Variants in SEMA6D observed in about 807,000 individuals in gnomAD.
SEMA6D encodes the protein semaphorin-6D.
A neutral mutation model predicts 106.6 loss-of-function variants in SEMA6D; 35 were observed. That is an observed-to-expected ratio of 0.33 (90% CI 0.25 to 0.44). The LOEUF (loss-of-function observed/expected upper bound fraction) is 0.44. Among genes scored for constraint, SEMA6D ranks in the 20% least tolerant of loss-of-function variants. The probability of loss-of-function intolerance (pLI) is 1.00; values close to 1 mark genes in which losing one functional copy is unlikely to be tolerated. For missense variants in SEMA6D, 1,185 were observed against 1,345.9 expected, an observed-to-expected ratio of 0.88 and a Z score of 1.87; for synonymous variants, 499 against 487.7, an observed-to-expected ratio of 1.02 and a Z score of -0.31.
At chr15:47,757,013 G>A (rs1275475074) in intron 1 of SEMA6D, among the ~76,000 whole-genome samples, 2 of 151,068 alleles carry the variant, frequency 1.3e-5, no homozygotes, top group Non-Finnish European at 2.9e-5. Flanking sequence ...GGGAGAAATT[G>A]CTTTCTGCAG....
chr15:47,357,909 T>C (rs3371), intron 1 of SEMA6D, among the ~76,000 whole-genome samples: 96,716 of 152,168 alleles, frequency 0.64, 31,802 homozygotes, highest in Non-Finnish European at 0.72. Flanking sequence ...CCAGCCAACA[T>C]GGAGGTGATT....
rs369441579 is a variant in SEMA6D, at chr15:47,225,186, C to A, written c.-239+40768C>A. 4.8e-4 allele frequency among the ~76,000 whole-genome samples: 73 copies of A among 152,082 alleles called. 1 individual carries two copies. Among genetic ancestry groups the A allele is most frequent in the African/African-American group, 1.6e-3 (65 of 41,544 alleles). ...ATATACACCCTGCCCCCTCCATGTGCTTCTTAGCAGATGGTAAGAGTATGT... is the reference window on the plus strand; with the variant it reads ...ATATACACCCTGCCCCCTCCATGTGATTCTTAGCAGATGGTAAGAGTATGT... On this transcript the variant is annotated intron_variant, in intron 1 of 19. Transcript: ENST00000558014.
intron 2 of SEMA6D, among the ~76,000 whole-genome samples, chr15:47,436,523 A>C (rs2041707423): frequency 6.6e-6 from 1 of 150,924 alleles, no homozygotes; most frequent in South Asian, 2.1e-4. Context: ...TAAATTACTA[A>C]TATATGTATA....
chr15:47,658,516 C>T (rs910858221), intron 4 of SEMA6D, among the ~76,000 whole-genome samples: 5 of 151,908 alleles, frequency 3.3e-5, no homozygotes, highest in Non-Finnish European at 5.9e-5. Flanking sequence ...ATATAAGACC[C>T]CTGAATTTAA....
At chr15:47,487,376 C>T (rs141263751) in intron 3 of SEMA6D, among the ~76,000 whole-genome samples, 10 of 152,260 alleles carry the variant, frequency 6.6e-5, no homozygotes, top group Non-Finnish European at 1.0e-4. Context: ...CATAAAAATT[C>T]GTGTCTTTCC....
At chr15:47,650,074 C>T (rs2077657428) in intron 4 of SEMA6D, among the ~76,000 whole-genome samples, 1 of 152,156 alleles carries the variant, frequency 6.6e-6, no homozygotes, top group Non-Finnish European at 1.5e-5. Context: ...CCTGGATGTG[C>T]CAGTGATGTG....
At chr15:47,727,868 C>CCCTT (rs2079861569) in intron 1 of SEMA6D, among the ~76,000 whole-genome samples, 8 of 152,244 alleles carry the variant, frequency 5.3e-5, no homozygotes, top group African/African-American at 1.9e-4. Flanking sequence ...TTGCCTGCTG[C>CCCTT]GGTCAGGATG....
intron 2 of SEMA6D, among the ~76,000 whole-genome samples, chr15:47,424,760 T>G (rs2041278123): frequency 6.6e-6 from 1 of 152,126 alleles, no homozygotes; most frequent in African/African-American, 2.4e-5. Context: ...AAGGTTCAAG[T>G]CTTCTGAGAT....
At chr15:47,381,554 CTGTAACA>C (rs1360391529) in intron 1 of SEMA6D, among the ~76,000 whole-genome samples, 2 of 152,166 alleles carry the variant, frequency 1.3e-5, no homozygotes, top group Admixed American at 1.3e-4. Flanking sequence ...GAGGGTCCTT[CTGTAACA>C]GGAGTGACTT....
chr15:47,258,635 C>T (rs1030120926), intron 1 of SEMA6D, among the ~76,000 whole-genome samples: 8 of 152,078 alleles, frequency 5.3e-5, no homozygotes, highest in South Asian at 2.1e-4. Flanking sequence ...CCCCGTCTGA[C>T]CCCCTCTCCA....
intron 3 of SEMA6D, among the ~76,000 whole-genome samples, chr15:47,569,610 A>G (rs2046324356): frequency 6.6e-6 from 1 of 152,078 alleles, no homozygotes; most frequent in Admixed American, 6.5e-5. Context: ...ACACATTCCC[A>G]TTCTAGTGTT....
intron 3 of SEMA6D, among the ~76,000 whole-genome samples, chr15:47,593,139 T>G (rs984387563): frequency 6.6e-6 from 1 of 152,156 alleles, no homozygotes; most frequent in African/African-American, 2.4e-5. Context: ...GCGCAGTGGC[T>G]CACACCTATA....
At chr15:47,747,490 C>A (rs937291683) in intron 1 of SEMA6D, among the ~76,000 whole-genome samples, 4 of 152,136 alleles carry the variant, frequency 2.6e-5, no homozygotes, top group Admixed American at 2.6e-4. Context: ...AAAGTGAAAA[C>A]CTTGCATAAG....
At chr15:47,288,578 A>G (rs1207981238) in intron 1 of SEMA6D, among the ~76,000 whole-genome samples, 1 of 152,172 alleles carries the variant, frequency 6.6e-6, no homozygotes, top group Non-Finnish European at 1.5e-5. Context: ...GAATTTCTAT[A>G]ATGGCCTTTT....
intron 2 of SEMA6D, among the ~76,000 whole-genome samples, chr15:47,426,126 A>G (rs965610325): frequency 5.3e-5 from 8 of 152,126 alleles, no homozygotes; most frequent in Admixed American, 2.0e-4. Context: ...CTACAAAAAT[A>G]TACACATGGA....
intron 1 of SEMA6D, among the ~76,000 whole-genome samples, chr15:47,254,331 G>GTGTATA (rs33925888): frequency 3.6e-5 from 5 of 139,262 alleles, no homozygotes; most frequent in Admixed American, 7.3e-5. Flanking sequence ...GTGTGTGTGT[G>GTGTATA]TATATATATA....
At chr15:47,689,850 C>T (rs779326388) in intron 4 of SEMA6D, among the ~76,000 whole-genome samples, 1 of 152,172 alleles carries the variant, frequency 6.6e-6, no homozygotes, top group African/African-American at 2.4e-5. Flanking sequence ...ATGAGCTTGC[C>T]GGGGCACACA....
At chr15:47,306,141 C>A (rs2036222826) in intron 1 of SEMA6D, among the ~76,000 whole-genome samples, 1 of 151,962 alleles carries the variant, frequency 6.6e-6, no homozygotes, top group Admixed American at 6.6e-5. Context: ...ACCACCATGC[C>A]CAACTAATTT....
At chr15:47,253,706 C>T (rs946953861) in intron 1 of SEMA6D, among the ~76,000 whole-genome samples, 16 of 152,218 alleles carry the variant, frequency 1.1e-4, no homozygotes, top group African/African-American at 3.8e-4. Context: ...TCCCATTGGT[C>T]TATGTGTCTG....
Sources: allele counts gnomAD v4.1 joint callset (sites outside exome capture counted in the v4.1 genomes callset), GRCh38; gene constraint gnomAD v4.1.1; transcripts MANE v1.5; gene names NCBI Gene and HGNC (gene_info 2026-07-23, HGNC 2026-07-21).